Variants in NOL4 observed in about 807,000 individuals in gnomAD.
NOL4 encodes nucleolar protein 4, also known as cancer/testis antigen 125.
In NOL4, 17 loss-of-function variants were observed where a neutral mutation model predicts 75.9. The observed-to-expected ratio is 0.22, with a 90% confidence interval of 0.15 to 0.34. NOL4 has a LOEUF of 0.34. NOL4 is among the 10% of genes least tolerant of loss of function. NOL4 has a pLI of 1.00. For synonymous variants in NOL4, 292 were observed against 289.9 expected, an observed-to-expected ratio of 1.01 and a Z score of -0.07; for missense variants, 614 against 793.5, an observed-to-expected ratio of 0.77 and a Z score of 2.72.
At chr18:34,028,541 G>C (rs2075467724) in intron 5 of NOL4, among the ~76,000 whole-genome samples, 1 of 152,196 alleles carries the variant, frequency 6.6e-6, no homozygotes, top group African/African-American at 2.4e-5. Context: ...CCTGACCAAA[G>C]GGCAATGAAA....
At chr18:33,945,375 C>T (rs74775415) in intron 8 of NOL4, among the ~76,000 whole-genome samples, 284 of 151,650 alleles carry the variant, frequency 1.9e-3, no homozygotes, top group Non-Finnish European at 3.3e-3. Context: ...CATAAAAGTT[C>T]GTTTAACATG....
At chr18:34,137,779 T>C (rs865855105) in intron 1 of NOL4, among the ~76,000 whole-genome samples, 2 of 147,044 alleles carry the variant, frequency 1.4e-5, no homozygotes, top group East Asian at 2.0e-4. Flanking sequence ...ATATACGAAA[T>C]ACACACACAC....
In NOL4 at chr18:33,866,349, T is replaced by A. The variant is rs79969077; in HGVS notation, c.1724-13314A>T. On this transcript the variant is annotated intron_variant, in intron 10 of 10. Coordinates refer to ENST00000261592, the MANE Select transcript of NOL4 (RefSeq NM_003787.5). ...AAATCTTCTTTTCCCACTGTCTTTA[T>A]CCATTTGTGTTTTATTTCATTTTTC... is the stretch of plus-strand genomic sequence containing the variant. Among the ~76,000 whole-genome samples the A allele has an allele frequency of 5.7e-3, 875 of 152,278 alleles. 22 individuals carry two copies. The highest frequency in any genetic ancestry group is 0.053 in the East Asian group (275 of 5,174).
At position 34,054,590 on chromosome 18, in the gene NOL4, A is replaced by G. The variant is rs184965989; in HGVS notation, c.773-34989T>C. ...TCTTTGTGACTCTCAGCCTATGTGT[A>G]TCCTTAACATCTAATGTTAGTCTAG... On this transcript the variant is annotated intron_variant, in intron 5 of 10. Coordinates refer to ENST00000261592, the MANE Select transcript of NOL4 (RefSeq NM_003787.5). Among the ~76,000 whole-genome samples the G allele has an allele frequency of 2.1e-3, 322 of 152,046 alleles. 5 individuals carry two copies. Among genetic ancestry groups the G allele is most frequent in the African/African-American group, 7.2e-3 (300 of 41,540 alleles).
intron 1 of NOL4, among the ~76,000 whole-genome samples, chr18:34,215,921 T>C (rs565009819): frequency 7.2e-5 from 11 of 152,222 alleles, no homozygotes; most frequent in Non-Finnish European, 1.3e-4. Flanking sequence ...ATTCATGGCA[T>C]ATATTTTTCT....
At chr18:34,150,774 C>A (rs949903560) in intron 1 of NOL4, among the ~76,000 whole-genome samples, 52 of 151,662 alleles carry the variant, frequency 3.4e-4, no homozygotes, top group African/African-American at 1.1e-3. Context: ...AACTTCTGAT[C>A]ATGAAAGACA....
intron 1 of NOL4, among the ~76,000 whole-genome samples, chr18:34,131,394 C>T (rs2080643548): frequency 6.6e-6 from 1 of 152,094 alleles, no homozygotes; most frequent in African/African-American, 2.4e-5. Flanking sequence ...TAGGAAATCA[C>T]ATGTTAGGTC....
At chr18:33,866,033 G>A (rs1202498373) in intron 10 of NOL4, among the ~76,000 whole-genome samples, 10 of 152,110 alleles carry the variant, frequency 6.6e-5, no homozygotes, top group Non-Finnish European at 1.5e-5. Flanking sequence ...ATGCAAGGGA[G>A]AAAAGAGAAC....
intron 1 of NOL4, among the ~76,000 whole-genome samples, chr18:34,154,458 C>T (rs572229513): frequency 6.6e-6 from 1 of 151,910 alleles, no homozygotes; most frequent in African/African-American, 2.4e-5. Context: ...ACTCGTGTTG[C>T]CTATTTTGTT....
chr18:34,037,648 A>C (rs552120092), intron 5 of NOL4, among the ~76,000 whole-genome samples: 6 of 152,220 alleles, frequency 3.9e-5, no homozygotes, highest in Admixed American at 3.3e-4. Flanking sequence ...GATACAAAGA[A>C]TATATACTAG....
At position 33,958,125 on chromosome 18, in the gene NOL4, T is replaced by C. The variant is rs1027756500; in HGVS notation, c.1236+114A>G. 4 of 1,022,118 alleles carry C rather than the reference T, an allele frequency of 3.9e-6. No homozygotes were observed. In the African/African-American group the frequency reaches 6.4e-5, roughly 16 times the overall value. 63.3% of individuals were successfully genotyped at this position (1,022,118 alleles called of 1,614,324 possible). On this transcript the variant is annotated intron_variant, in intron 7 of 10. Transcript: ENST00000261592. ...AAGAGTGTTTCATGTACTTTTTAAA[T>C]CCTTCTGTAAATTAAACAAACATGT...
intron 9 of NOL4, among the ~76,000 whole-genome samples, chr18:33,929,487 A>G (rs1021252293): frequency 2.6e-5 from 4 of 152,162 alleles, no homozygotes; most frequent in African/African-American, 9.7e-5. Flanking sequence ...TACCATGCTA[A>G]TTTCACTTAT....
chr18:34,209,095 C>G (rs2036327272), intron 1 of NOL4, among the ~76,000 whole-genome samples: 1 of 145,230 alleles, frequency 6.9e-6, no homozygotes, highest in Admixed American at 7.0e-5. Context: ...CCTGTAATCC[C>G]AGCTATTCTG....
At chr18:34,218,390 G>A (rs535682451) in intron 1 of NOL4, among the ~76,000 whole-genome samples, 1 of 152,206 alleles carries the variant, frequency 6.6e-6, no homozygotes, top group Non-Finnish European at 1.5e-5. Context: ...AAGAACCAAC[G>A]GAAAAATAAA....
chr18:34,208,041 G>C (rs1463741468), intron 1 of NOL4, among the ~76,000 whole-genome samples: 2 of 152,168 alleles, frequency 1.3e-5, no homozygotes, highest in Non-Finnish European at 2.9e-5. Context: ...TGGACAGAAA[G>C]AGCTTTTCTT....
intron 1 of NOL4, among the ~76,000 whole-genome samples, chr18:34,190,907 C>T (rs1380035554): frequency 6.6e-6 from 1 of 151,878 alleles, no homozygotes; most frequent in Non-Finnish European, 1.5e-5. Context: ...CTTAACTATG[C>T]AAAACTATTT....
intron 6 of NOL4, among the ~76,000 whole-genome samples, chr18:34,015,762 T>G (rs1334267538): frequency 6.6e-6 from 1 of 152,024 alleles, no homozygotes; most frequent in Non-Finnish European, 1.5e-5. Flanking sequence ...CAATGGACAC[T>G]GCATGTGCAC....
At chr18:34,103,722 G>A (rs148099041) in intron 4 of NOL4, among the ~76,000 whole-genome samples, 32 of 151,794 alleles carry the variant, frequency 2.1e-4, no homozygotes, top group Non-Finnish European at 3.2e-4. Flanking sequence ...CAATTATTTC[G>A]GATACTTTAC....
At chr18:34,099,009 A>G (rs1000032671) in intron 4 of NOL4, among the ~76,000 whole-genome samples, 2 of 152,184 alleles carry the variant, frequency 1.3e-5, no homozygotes, top group African/African-American at 4.8e-5. Flanking sequence ...GTAATTTAAT[A>G]GAATTTTGAT....
Sources: gnomAD v4.1 joint callset for allele counts (sites outside exome capture counted in the v4.1 genomes callset) on GRCh38, gnomAD v4.1.1 for gene constraint, MANE v1.5 for transcripts, NCBI Gene and HGNC (gene_info 2026-07-23, HGNC 2026-07-21) for gene names.